Variants in NBEA observed in about 807,000 individuals in gnomAD.
NBEA encodes neurobeachin.
NBEA carries 44 observed loss-of-function variants against 343.4 expected under a neutral mutation model. That is an observed-to-expected ratio of 0.13 (90% CI 0.10 to 0.16). NBEA has a LOEUF of 0.16. Ranked by LOEUF, NBEA falls within the 10% of genes least tolerant of loss-of-function variation. The pLI, the probability that NBEA is intolerant of heterozygous loss-of-function variation, is 1.00. For missense variants in NBEA, 2,555 were observed against 3,631.3 expected (o/e 0.70, Z 7.62); for synonymous variants, 1,175 against 1,238.7 (o/e 0.95, Z 1.08).
At chr13:35,263,209 C>A (rs2033364911) in intron 34 of NBEA, among the ~76,000 whole-genome samples, 1 of 151,930 alleles carries the variant, frequency 6.6e-6, no homozygotes, top group Non-Finnish European at 1.5e-5. Context: ...GTGCCATGAT[C>A]ATTCCCTGGG....
intron 1 of NBEA, among the ~76,000 whole-genome samples, chr13:34,987,762 T>C (rs1429047575): frequency 6.6e-6 from 1 of 151,146 alleles, no homozygotes; most frequent in Non-Finnish European, 1.5e-5. Context: ...ATCACTGATA[T>C]TCTTTTTTCC....
intron 41 of NBEA, among the ~76,000 whole-genome samples, chr13:35,498,473 G>T (rs1006457379): frequency 5.3e-5 from 8 of 151,964 alleles, no homozygotes; most frequent in Admixed American, 2.0e-4. Flanking sequence ...ATCATGATTT[G>T]TTTATTTTAG....
At chr13:35,088,411 T>C (rs1421611970) in intron 10 of NBEA, among the ~76,000 whole-genome samples, 3 of 151,904 alleles carry the variant, frequency 2.0e-5, no homozygotes, top group African/African-American at 4.8e-5. Flanking sequence ...CGTTGAGCTA[T>C]TGTAATATAA....
intron 34 of NBEA, among the ~76,000 whole-genome samples, chr13:35,235,466 A>G (rs1196126023): frequency 6.6e-6 from 1 of 152,224 alleles, no homozygotes; most frequent in Admixed American, 6.5e-5. Flanking sequence ...ATAAAATAAA[A>G]CAGGGAATAA....
At chr13:35,143,568 C>T (rs984155865) in intron 18 of NBEA, among the ~76,000 whole-genome samples, 1 of 152,108 alleles carries the variant, frequency 6.6e-6, no homozygotes, top group Non-Finnish European at 1.5e-5. Flanking sequence ...ACAGGTACTA[C>T]TAAATATCCA....
Position 35,240,829 on chromosome 13 carries a change from T to C in NBEA, c.5776+8210T>C, listed in dbSNP as rs73491683. On this transcript the variant is annotated intron_variant, in intron 34 of 58. Transcript: ENST00000379939. ...AAACATGGAGTACTCCTGGGATACGTGGTAATAATTTATTTCTTTAGCTAT... is the reference window on the plus strand; with the variant it reads ...AAACATGGAGTACTCCTGGGATACGCGGTAATAATTTATTTCTTTAGCTAT... 6.4e-3 allele frequency among the ~76,000 whole-genome samples: 978 copies of C among 151,870 alleles called. 11 individuals are homozygous for C. The highest frequency in any genetic ancestry group is 0.023 in the African/African-American group (938 of 41,516).
rs183969722 is a variant in NBEA at position 35,043,012 on chromosome 13, T to A, written c.526+1848T>A. 1.1e-4 allele frequency among the ~76,000 whole-genome samples: 16 copies of A among 151,986 alleles called. No homozygotes were observed. The East Asian group carries it at 3.1e-3, about 29-fold the overall frequency. ...AAAATTTCTTGGTCTTAGTATTTTT[T>A]CTTTTAAAAAAAATCATTTCTAATT... On this transcript the variant is annotated intron_variant, in intron 2 of 58. Transcript: ENST00000379939.
Position 35,471,364 on chromosome 13 carries a change from G to A in NBEA, c.6449-1036G>A, listed in dbSNP as rs2075640985. On this transcript the variant is annotated intron_variant, in intron 40 of 58. Transcript: ENST00000379939. ...GCCGCGGGGAACCTAACTTTTTATT[G>A]CCTTTCTCCGACTGTTATTGTGACG... is the stretch of plus-strand genomic sequence containing the variant. 2.0e-5 allele frequency among the ~76,000 whole-genome samples: 3 copies of A among 152,186 alleles called. 1 individual carries two copies. In the South Asian group the frequency reaches 6.2e-4, roughly 31 times the overall value.
chr13:35,107,182 A>C (rs569817181), intron 11 of NBEA, among the ~76,000 whole-genome samples: 5 of 152,092 alleles, frequency 3.3e-5, no homozygotes, highest in African/African-American at 1.2e-4. Context: ...ATCCCTTTAC[A>C]AATATTTTTT....
intron 41 of NBEA, among the ~76,000 whole-genome samples, chr13:35,478,731 G>A (rs1030426941): frequency 6.6e-6 from 1 of 152,238 alleles, no homozygotes; most frequent in Non-Finnish European, 1.5e-5. Flanking sequence ...CCAAGCCCCA[G>A]CCGCGGGCCC....
chr13:35,252,644 G>A (rs761236171), intron 34 of NBEA, among the ~76,000 whole-genome samples: 1 of 152,096 alleles, frequency 6.6e-6, no homozygotes, highest in Non-Finnish European at 1.5e-5. Flanking sequence ...TAGCTGAACC[G>A]AGAAGGCAGG....
intron 18 of NBEA, among the ~76,000 whole-genome samples, chr13:35,151,114 T>TA (rs11450264): frequency 0.93 from 125,207 of 134,760 alleles, 58,065 homozygotes; most frequent in East Asian, 1. Context: ...ACACTGGCTC[T>TA]AAAAAAAAAA....
rs2071431628 is a variant in NBEA, at chr13:35,183,133, G to A, written c.4831+605G>A. 4.6e-5 allele frequency among the ~76,000 whole-genome samples: 7 copies of A among 152,082 alleles called. No homozygotes were observed. In the South Asian group the frequency reaches 1.5e-3, roughly 32 times the overall value. On this transcript the variant is annotated intron_variant, in intron 29 of 58. Coordinates refer to ENST00000379939, the MANE Select transcript of NBEA (RefSeq NM_001385012.1). ...TTTTTCATTTGCAAAAAATGCTCAT[G>A]TTGCAGCAGTTCTTGCATTACTAGC...
intron 34 of NBEA, among the ~76,000 whole-genome samples, chr13:35,232,898 T>C (rs1299756721): frequency 6.6e-6 from 1 of 152,082 alleles, no homozygotes; most frequent in African/African-American, 2.4e-5. Flanking sequence ...AGGGCTGATG[T>C]ATATCCTGTC....
At chr13:35,091,053 T>C (rs1284701976) in intron 10 of NBEA, among the ~76,000 whole-genome samples, 1 of 152,000 alleles carries the variant, frequency 6.6e-6, no homozygotes, top group African/African-American at 2.4e-5. Flanking sequence ...TTAATTTTTC[T>C]TTTCTTCACG....
intron 39 of NBEA, among the ~76,000 whole-genome samples, chr13:35,436,082 CA>C (rs1177577249): frequency 2.7e-5 from 4 of 150,134 alleles, no homozygotes; most frequent in Non-Finnish European, 4.4e-5. Context: ...AGAATGGACT[CA>C]AAAAAAAGAA....
intron 1 of NBEA, among the ~76,000 whole-genome samples, chr13:34,957,214 G>A (rs2059527267): frequency 6.6e-6 from 1 of 151,868 alleles, no homozygotes; most frequent in Admixed American, 6.6e-5. Context: ...TCTATGTATT[G>A]CTCCACACCT....
chr13:35,237,566 T>A (rs1326904086), intron 34 of NBEA, among the ~76,000 whole-genome samples: 1 of 152,172 alleles, frequency 6.6e-6, no homozygotes, highest in Non-Finnish European at 1.5e-5. Flanking sequence ...AAAAACATAT[T>A]TACCCTAGCT....
At chr13:35,137,337 C>G (rs2067796147) in intron 17 of NBEA, among the ~76,000 whole-genome samples, 1 of 151,842 alleles carries the variant, frequency 6.6e-6, no homozygotes. Context: ...GTAGTCCCAG[C>G]TACTGGGGAG....
Sources: gnomAD v4.1 joint callset for allele counts (sites outside exome capture counted in the v4.1 genomes callset) on GRCh38, gnomAD v4.1.1 for gene constraint, MANE v1.5 for transcripts, NCBI Gene and HGNC (gene_info 2026-07-23, HGNC 2026-07-21) for gene names.